DMD: variants seen among roughly 807,000 people sequenced by gnomAD.
DMD encodes the protein mutant dystrophin.
DMD carries 63 observed loss-of-function variants against 330.1 expected under a neutral mutation model. The ratio of observed to expected loss-of-function variants is 0.19; its 90% CI spans 0.16 to 0.24. The LOEUF is 0.24. Ranked by LOEUF, DMD falls within the 10% of genes least tolerant of loss-of-function variation. DMD has a pLI of 1.00. For synonymous variants in DMD, 1,223 were observed against 959.8 expected, an observed-to-expected ratio of 1.27 and a Z score of -5.07; for missense variants, 3,344 against 2,684.1, an observed-to-expected ratio of 1.25 and a Z score of -5.43.
At chrX:31,153,187 A>C (rs1367402436) in intron 74 of DMD, among the ~76,000 whole-genome samples, 1 of 111,608 alleles carries the variant, frequency 9.0e-6, no homozygotes, top group African/African-American at 3.3e-5. Flanking sequence ...TCCTGGTTTC[A>C]AGGCTGTGAT....
intron 2 of DMD, among the ~76,000 whole-genome samples, chrX:32,884,406 G>A (rs748971578): frequency 8.9e-6 from 1 of 112,043 alleles, no homozygotes; most frequent in African/African-American, 3.2e-5. Flanking sequence ...GGTACCAACA[G>A]CTACTTTTAT....
chrX:32,844,942 T>A, intron 3 of DMD, 82 bp from the exon 4 acceptor site: 1 of 803,584 alleles, frequency 1.2e-6, no homozygotes, highest in Non-Finnish European at 1.9e-6. Context: ...ATAATTTCAC[T>A]ATTAAGCTTG....
At chrX:32,949,946 C>T (rs1236307554) in intron 2 of DMD, among the ~76,000 whole-genome samples, 1 of 101,123 alleles carries the variant, frequency 9.9e-6, no homozygotes, top group Non-Finnish European at 2.0e-5. Context: ...AATAAACATC[C>T]AGTGTAAAGG....
intron 9 of DMD, among the ~76,000 whole-genome samples, chrX:32,686,462 G>A (rs746028074): frequency 2.0e-4 from 21 of 107,203 alleles, no homozygotes; most frequent in Admixed American, 1.0e-3. Flanking sequence ...AGGAGGCTGA[G>A]GCAGGAGAGT....
At chrX:32,215,065 T>A (rs112411850) in intron 44 of DMD, among the ~76,000 whole-genome samples, 10,458 of 111,014 alleles carry the variant, frequency 0.094, 511 homozygotes, top group Admixed American at 0.15. Context: ...GACCCAACTT[T>A]TACTTCTAAG....
At chrX:32,515,742 A>C (rs2045796087) in intron 18 of DMD, among the ~76,000 whole-genome samples, 1 of 111,285 alleles carries the variant, frequency 9.0e-6, no homozygotes, top group Non-Finnish European at 1.9e-5. Flanking sequence ...CATAGGAATC[A>C]CTCCTGGAAA....
Position 33,258,580 on chromosome X carries a change from T to A in DMD, c.7+80679A>T, listed in dbSNP as rs568457273. Among the ~76,000 whole-genome samples, 130 of 111,483 alleles carry A rather than the reference T, an allele frequency of 1.2e-3. 1 individual carries two copies. Among genetic ancestry groups the A allele is most frequent in the South Asian group, 4.8e-3 (13 of 2,711 alleles). On this transcript the variant is annotated intron_variant, in intron 1 of 17. Transcript: ENST00000288447. ...TTGGTAAATGATGATGGAAACCTTT[T>A]TCTAAAAATATTGCTTTGATGGTAA...
intron 1 of DMD, among the ~76,000 whole-genome samples, chrX:33,263,995 T>C (rs1363553846): frequency 9.0e-6 from 1 of 111,332 alleles, no homozygotes; most frequent in East Asian, 2.8e-4. Flanking sequence ...TAAACAAGTC[T>C]ACTGGAAGAC....
chrX:31,123,886 C>G (rs2033218230), intron 78 of DMD, among the ~76,000 whole-genome samples: 1 of 111,449 alleles, frequency 9.0e-6, no homozygotes, highest in Non-Finnish European at 1.9e-5. Flanking sequence ...AAGTGTCTTT[C>G]TTTTTAGGCT....
At chrX:31,400,380 C>T (rs1337207864) in intron 60 of DMD, among the ~76,000 whole-genome samples, 1 of 111,361 alleles carries the variant, frequency 9.0e-6, no homozygotes, top group Non-Finnish European at 1.9e-5. Context: ...AAATGTACAT[C>T]TTACATATAT....
intron 7 of DMD, among the ~76,000 whole-genome samples, chrX:32,777,100 C>T (rs938925848): frequency 4.7e-5 from 5 of 106,896 alleles, no homozygotes; most frequent in South Asian, 8.5e-4. Flanking sequence ...GTATGCAACA[C>T]GCTCCACAAT....
At position 32,896,151 on chromosome X, in the gene DMD, AG is replaced by A. The variant is rs759644640; in HGVS notation, c.94-46332del. The stretch of plus-strand genomic sequence containing the variant: ...CTGTGCCCTGATGCTTTTGCAATAA[AG>A]GGTTCAAAAATCTGTGGAGAACACC... On this transcript the variant is annotated intron_variant, in intron 2 of 78. Coordinates refer to ENST00000357033, the MANE Select transcript of DMD (RefSeq NM_004006.3). Among the ~76,000 whole-genome samples, 4 of 111,449 alleles carry A rather than the reference AG, an allele frequency of 3.6e-5. No individual in the cohort carries two copies. The East Asian group carries it at 8.5e-4, about 24-fold the overall frequency.
intron 7 of DMD, among the ~76,000 whole-genome samples, chrX:32,758,478 C>G (rs2071794114): frequency 9.0e-6 from 1 of 111,272 alleles, no homozygotes; most frequent in African/African-American, 3.3e-5. Context: ...CCTACTCATC[C>G]AAATGAACAC....
At chrX:31,958,096 G>GTTTTT (rs745655022) in intron 45 of DMD, among the ~76,000 whole-genome samples, 1 of 74,557 alleles carries the variant, frequency 1.3e-5, no homozygotes, top group Non-Finnish European at 2.5e-5. Context: ...CATTTGGCCT[G>GTTTTT]TTTTTTTTTT....
chrX:32,935,123 C>T (rs1464461827), intron 2 of DMD, among the ~76,000 whole-genome samples: 2 of 112,275 alleles, frequency 1.8e-5, no homozygotes, highest in African/African-American at 6.5e-5. Flanking sequence ...GGACTACAGG[C>T]GCCCGCCACC....
At chrX:32,169,356 T>G (rs1243597781) in intron 44 of DMD, among the ~76,000 whole-genome samples, 2 of 112,012 alleles carry the variant, frequency 1.8e-5, no homozygotes, top group African/African-American at 6.5e-5. Context: ...ATATTTCTCA[T>G]CACTATGCAT....
chrX:32,510,743 G>A (rs1246858567), intron 18 of DMD, among the ~76,000 whole-genome samples: 1 of 111,600 alleles, frequency 9.0e-6, no homozygotes, highest in African/African-American at 3.3e-5. Context: ...ATGGGGACAG[G>A]TGCTGCAAGC....
chrX:32,389,400 A>G, intron 32 of DMD, 101 bp downstream of exon 32: 1 of 925,681 alleles, frequency 1.1e-6, no homozygotes, highest in Non-Finnish European at 1.6e-6. Context: ...TAGTATAATT[A>G]TTATGGTTAT....
chrX:31,850,504 G>C (rs1011239725), intron 48 of DMD, among the ~76,000 whole-genome samples: 12 of 112,041 alleles, frequency 1.1e-4, no homozygotes, highest in African/African-American at 3.6e-4. Flanking sequence ...ATAGACCATG[G>C]ACAGACAGAA....
Sources: gnomAD v4.1 joint callset for allele counts (sites outside exome capture counted in the v4.1 genomes callset) on GRCh38, gnomAD v4.1.1 for gene constraint, MANE v1.5 for transcripts, NCBI Gene and HGNC (gene_info 2026-07-23, HGNC 2026-07-21) for gene names.